Variants in ZNF705G observed in about 807,000 individuals in gnomAD.
ZNF705G encodes the protein zinc finger protein 705G.
ZNF705G carries 23 observed loss-of-function variants against 19.6 expected under a neutral mutation model. The observed-to-expected ratio is 1.17, with a 90% CI of 0.84 to 1.66. ZNF705G has a LOEUF of 1.66. Among genes scored for constraint, ZNF705G ranks in the 40% most tolerant of loss-of-function variants. ZNF705G has a pLI of 0.00. For missense variants in ZNF705G, 457 were observed against 354.4 expected (o/e 1.29, Z -2.32); for synonymous variants, 146 against 117.7 (o/e 1.24, Z -1.56).
intron 1 of ZNF705G, among the ~76,000 whole-genome samples, chr8:7,382,554 T>G (rs1335400283): frequency 3.4e-5 from 5 of 146,554 alleles, no homozygotes; most frequent in Non-Finnish European, 5.9e-5. Flanking sequence ...CATTTTTTAT[T>G]TCTTCCATTC....
intron 1 of ZNF705G, among the ~76,000 whole-genome samples, chr8:7,383,291 C>G (rs1238887437): frequency 6.8e-6 from 1 of 147,584 alleles, no homozygotes; most frequent in South Asian, 2.1e-4. Flanking sequence ...AATTAAACAG[C>G]AGAAAGTATA....
In ZNF705G at chr8:7,364,611, C is replaced by A. The variant is rs1404508393; in HGVS notation, c.-71-1594G>T. Among the ~76,000 whole-genome samples, 22 of 149,640 alleles carry A rather than the reference C, an allele frequency of 1.5e-4. 2 individuals carry two copies. The highest frequency in any genetic ancestry group is 5.6e-4 in the African/African-American group (22 of 39,012). ...TTGACAAAATTACTCCCCTAACCAA[C>A]GTTCTCTATGATTCTGGGGACTCCA... On this transcript the variant is annotated intron_variant, in intron 2 of 6. Coordinates refer to ENST00000400156, the MANE Select transcript of ZNF705G (RefSeq NM_001164457.3).
chr8:7,357,557 T>A lies in ZNF705G; in HGVS notation c.*419A>T. On this transcript the variant is annotated 3_prime_UTR_variant, in exon 7 of 7. Coordinates refer to ENST00000400156, the MANE Select transcript of ZNF705G (RefSeq NM_001164457.3). ...ACATGTTTTAAGTTATAGCTGTTGC[T>A]GAAGACTTTTAGTTGATTATATTGA... 4.1e-6 allele frequency: 1 copy of A among 243,978 alleles called. No homozygotes were observed. The highest frequency in any genetic ancestry group is 8.5e-5 in the South Asian group (1 of 11,738). The allele number at this position is 243,978 out of a possible 1,614,324, so 15.1% of individuals were successfully genotyped here.
chr8:7,383,470 G>A (rs561038449), intron 1 of ZNF705G, among the ~76,000 whole-genome samples: 2 of 146,532 alleles, frequency 1.4e-5, no homozygotes, highest in Non-Finnish European at 2.9e-5. Flanking sequence ...CAGAGACGAG[G>A]TACTCACGTA....
At chr8:7,369,804 T>C (rs1807014774) in intron 2 of ZNF705G, among the ~76,000 whole-genome samples, 1 of 149,186 alleles carries the variant, frequency 6.7e-6, no homozygotes, top group Non-Finnish European at 1.5e-5. Context: ...CCAAATACCA[T>C]ATGTTCTTAG....
chr8:7,356,706 C>A lies in ZNF705G; in HGVS notation c.*1270G>T, dbSNP rs1236569003. ...GGAGACTCAGAAGTTGGGGTAGAATCTCGACCAAGAATCTCACCCAAGGAG... is the reference window on the plus strand; with the variant it reads ...GGAGACTCAGAAGTTGGGGTAGAATATCGACCAAGAATCTCACCCAAGGAG... On this transcript the variant is annotated 3_prime_UTR_variant, in exon 7 of 7. Transcript: ENST00000400156. 1 of 149,602 alleles carries A rather than the reference C, an allele frequency of 6.7e-6. No homozygotes were observed. The highest frequency in any genetic ancestry group is 2.6e-5 in the African/African-American group (1 of 38,980). The allele number at this position is 149,602 out of a possible 1,614,324, so 9.3% of individuals were successfully genotyped here.
chr8:7,363,236 G>A lies in ZNF705G; in HGVS notation c.-71-219C>T, dbSNP rs533749565. 1.1e-4 allele frequency among the ~76,000 whole-genome samples: 16 copies of A among 148,468 alleles called. No homozygotes were observed. In the East Asian group the frequency reaches 2.3e-3, roughly 22 times the overall value. ...TAAAGAAGGAACACAGATATCTTGT[G>A]AATGAGAACATCAAAAGCACGGAGT... On this transcript the variant is annotated intron_variant, in intron 2 of 6. Transcript: ENST00000400156.
At position 7,356,600 on chromosome 8, in the gene ZNF705G, G is replaced by C. The variant is rs1168869738; in HGVS notation, c.*1376C>G. The C allele has an allele frequency of 6.7e-6, 1 of 149,518 alleles. No individual in the cohort carries two copies. The highest frequency in any genetic ancestry group is 1.5e-5 in the Non-Finnish European group (1 of 68,014). The allele number at this position is 149,518 out of a possible 1,614,324, so 9.3% of individuals were successfully genotyped here. A position where few individuals can be genotyped will look rare whatever the true frequency, so the allele number is the denominator to read the frequency against. ...GAAGATCCCTGGTGTGTCAACTCGA[G>C]GGTTGGATGGAAACAAGTGGTTTTA... On this transcript the variant is annotated 3_prime_UTR_variant, in exon 7 of 7. Transcript: ENST00000400156.
At chr8:7,368,450 C>G (rs1294934509) in intron 2 of ZNF705G, among the ~76,000 whole-genome samples, 1 of 149,264 alleles carries the variant, frequency 6.7e-6, no homozygotes, top group East Asian at 1.9e-4. Context: ...GACTTGAAAA[C>G]AAATGGAAGG....
At chr8:7,380,878 A>G (rs1026410195) in intron 2 of ZNF705G, among the ~76,000 whole-genome samples, 3 of 142,028 alleles carry the variant, frequency 2.1e-5, no homozygotes, top group Non-Finnish European at 4.4e-5. Context: ...TTAGCTGGGC[A>G]TGGAGGCGCA....
chr8:7,368,474 A>G (rs1806959744), intron 2 of ZNF705G, among the ~76,000 whole-genome samples: 1 of 149,520 alleles, frequency 6.7e-6, no homozygotes, highest in African/African-American at 2.6e-5. Context: ...ATAGATATAA[A>G]AAGTTTCAAT....
intron 2 of ZNF705G, among the ~76,000 whole-genome samples, chr8:7,369,126 C>T (rs1229301044): frequency 6.7e-6 from 1 of 149,442 alleles, no homozygotes. Flanking sequence ...TATTCACTAC[C>T]ACGAGAACAG....
intron 5 of ZNF705G, 114 bp from the exon 6 acceptor site, chr8:7,359,815 T>C: frequency 6.7e-7 from 1 of 1,493,438 alleles, no homozygotes; most frequent in Non-Finnish European, 9.2e-7. Flanking sequence ...GTGGCAAGTG[T>C]GTCAAATGAA....
In ZNF705G at chr8:7,364,999, T is replaced by A. The variant is rs1434477811; in HGVS notation, c.-71-1982A>T. Among the ~76,000 whole-genome samples, 4 of 149,832 alleles carry A rather than the reference T, an allele frequency of 2.7e-5. No individual in the cohort carries two copies. The East Asian group carries it at 7.7e-4, about 29-fold the overall frequency. On this transcript the variant is annotated intron_variant, in intron 2 of 6. Coordinates refer to ENST00000400156, the MANE Select transcript of ZNF705G (RefSeq NM_001164457.3). The stretch of plus-strand genomic sequence containing the variant: ...AAAATAAGATTTGGGCTTTAGAGAA[T>A]ATTTGTGTGTAATTATAACCCAAAC...
intron 2 of ZNF705G, among the ~76,000 whole-genome samples, chr8:7,365,578 C>A (rs1323788716): frequency 1.3e-5 from 2 of 149,058 alleles, no homozygotes; most frequent in Non-Finnish European, 2.9e-5. Flanking sequence ...CCATTTTGGT[C>A]GCGCTGGTCT....
rs1460781359 is a variant in ZNF705G at position 7,358,181 on chromosome 8, T to C, written c.698A>G (p.Tyr233Cys). The C allele has an allele frequency of 6.2e-7, 1 of 1,607,616 alleles. No homozygotes were observed. Among genetic ancestry groups the C allele is most frequent in the Non-Finnish European group, 8.5e-7 (1 of 1,179,620 alleles). ...AAAGGATTGAATAAAGACTTTCCCA[T>C]ATTGATGACACTTATATGGTCTCTG... ...TGQRPYKCHQYGKVFIQSFNL... is the reference protein window; with the variant it reads ...TGQRPYKCHQCGKVFIQSFNL... The change falls in exon 7 of 7, where the codon TAT becomes TGT. Residue 233 changes from tyrosine to cysteine, a missense_variant. Coordinates refer to ENST00000400156, the MANE Select transcript of ZNF705G (RefSeq NM_001164457.3).
At chr8:7,380,636 T>G (rs1223591314) in intron 2 of ZNF705G, among the ~76,000 whole-genome samples, 1 of 146,052 alleles carries the variant, frequency 6.8e-6, no homozygotes, top group Non-Finnish European at 1.5e-5. Flanking sequence ...GTCACGAGAG[T>G]TGACCTGCTA....
chr8:7,366,303 T>G (rs1806854207), intron 2 of ZNF705G, among the ~76,000 whole-genome samples: 1 of 149,472 alleles, frequency 6.7e-6, no homozygotes, highest in African/African-American at 2.6e-5. Context: ...GAATGGAATT[T>G]AAAATTATTC....
chr8:7,383,066 A>G (rs1277321186), intron 1 of ZNF705G, among the ~76,000 whole-genome samples: 1 of 148,730 alleles, frequency 6.7e-6, no homozygotes, highest in South Asian at 2.1e-4. Flanking sequence ...AAGCTAAAAA[A>G]GGAGAAGAAA....
Sources: allele counts gnomAD v4.1 joint callset (sites outside exome capture counted in the v4.1 genomes callset), GRCh38; gene constraint gnomAD v4.1.1; transcripts MANE v1.5; gene names NCBI Gene and HGNC (gene_info 2026-07-23, HGNC 2026-07-21).